NUGGC: variants seen among roughly 807,000 people sequenced by gnomAD.
The protein encoded by NUGGC is nuclear GTPase SLIP-GC.
A neutral mutation model predicts 92.6 loss-of-function variants in NUGGC; 58 were observed. The ratio of observed to expected loss-of-function variants is 0.63; its 90% confidence interval spans 0.51 to 0.78. The LOEUF (loss-of-function observed/expected upper bound fraction) is 0.78, where lower values mean the gene tolerates loss of function less well. Among genes scored for constraint, NUGGC ranks in the 30% least tolerant of loss-of-function variants. The pLI, the probability that NUGGC is intolerant of heterozygous loss-of-function variation, is 0.00. For missense variants in NUGGC, 925 were observed against 964.6 expected, an observed-to-expected ratio of 0.96 and a Z score of 0.54; for synonymous variants, 376 against 366.4, an observed-to-expected ratio of 1.03 and a Z score of -0.30.
intron 17 of NUGGC, among the ~76,000 whole-genome samples, chr8:28,028,217 T>C (rs1437792639): frequency 2.0e-5 from 3 of 152,228 alleles, no homozygotes; most frequent in African/African-American, 7.2e-5. Flanking sequence ...CCAGTGTCTA[T>C]GTACACAATG....
At chr8:28,039,106 C>A (rs188210116) in intron 13 of NUGGC, among the ~76,000 whole-genome samples, 24 of 152,306 alleles carry the variant, frequency 1.6e-4, no homozygotes, top group Admixed American at 5.9e-4. Context: ...TCCCCAGTGA[C>A]CCCAGAATCA....
chr8:28,029,420 C>T lies in NUGGC; in HGVS notation c.2018-18G>A, dbSNP rs376995561. 4.3e-6 allele frequency: 7 copies of T among 1,610,656 alleles called. No individual in the cohort carries two copies. Among genetic ancestry groups the T allele is most frequent in the Non-Finnish European group, 5.1e-6 (6 of 1,178,464 alleles). On this transcript the variant is annotated intron_variant, in intron 16 of 18. Transcript: ENST00000413272. ...AGCTGCCTCTGGCAAAAATGATAGC[C>T]ACAGTCACACCAAGACAAGGACCTG...
chr8:28,080,281 C>G (rs1347862121), intron 1 of NUGGC, among the ~76,000 whole-genome samples: 2 of 152,124 alleles, frequency 1.3e-5, no homozygotes, highest in Non-Finnish European at 2.9e-5. Flanking sequence ...AGAAGTAAAA[C>G]AAGCCAGAGA....
intron 1 of NUGGC, among the ~76,000 whole-genome samples, chr8:28,078,291 A>C (rs2130290482): frequency 6.6e-6 from 1 of 152,368 alleles, no homozygotes; most frequent in South Asian, 2.1e-4. Flanking sequence ...TGATGACCAA[A>C]CAAAAACACT....
chr8:28,035,744 C>T (rs1051339871), intron 13 of NUGGC, among the ~76,000 whole-genome samples: 1 of 152,200 alleles, frequency 6.6e-6, no homozygotes, highest in African/African-American at 2.4e-5. Flanking sequence ...GAGGTGAGGA[C>T]CCTTGGGGCC....
chr8:28,052,349 C>T (rs1040794046), intron 10 of NUGGC, among the ~76,000 whole-genome samples: 1 of 152,176 alleles, frequency 6.6e-6, no homozygotes, highest in Non-Finnish European at 1.5e-5. Flanking sequence ...CCAAAATTCA[C>T]ATGTTGAGGT....
At chr8:28,031,404 A>G in intron 14 of NUGGC, 23 bp from the exon 15 acceptor site, 3 of 1,610,488 alleles carry the variant, frequency 1.9e-6, no homozygotes, top group African/African-American at 2.7e-5. Flanking sequence ...GTGACAAAAA[A>G]GTTTAAGAGA....
At chr8:28,039,089 G>A (rs371517800) in intron 13 of NUGGC, among the ~76,000 whole-genome samples, 2 of 152,132 alleles carry the variant, frequency 1.3e-5, no homozygotes, top group African/African-American at 4.8e-5. Context: ...TCCACACACT[G>A]ACACTTTCCC....
At chr8:28,024,099 C>T (rs1198621822) in intron 18 of NUGGC, among the ~76,000 whole-genome samples, 1 of 152,050 alleles carries the variant, frequency 6.6e-6, no homozygotes, top group Non-Finnish European at 1.5e-5. Flanking sequence ...TCTTGACTCA[C>T]TGCAACCTCT....
Position 28,056,070 on chromosome 8 carries a change from A to T in NUGGC, c.1117-16T>A. 7.0e-7 allele frequency: 1 copy of T among 1,436,580 alleles called. No homozygotes were observed. The highest frequency in any genetic ancestry group is 9.6e-7 in the Non-Finnish European group (1 of 1,042,218). The allele number at this position is 1,436,580 out of a possible 1,614,324, so 89.0% of individuals were successfully genotyped here. A position where few individuals can be genotyped will look rare whatever the true frequency, so the allele number is the denominator to read the frequency against. On this transcript the variant is annotated splice_polypyrimidine_tract_variant and intron_variant, in intron 9 of 18. Coordinates refer to ENST00000413272, the MANE Select transcript of NUGGC (RefSeq NM_001010906.2). Reference sequence around the variant, plus strand: ...GAATAGCTTGCTAGGTTGTGAAAGGAAATAGAAGCATGCAGAGAGTAGCGT... The same window carrying T: ...GAATAGCTTGCTAGGTTGTGAAAGGTAATAGAAGCATGCAGAGAGTAGCGT...
chr8:28,051,062 G>A (rs578185989), intron 10 of NUGGC, among the ~76,000 whole-genome samples: 3 of 152,112 alleles, frequency 2.0e-5, no homozygotes, highest in South Asian at 4.2e-4. Context: ...GGCCTCATAC[G>A]ATCCTCCCAC....
chr8:28,060,666 C>A (rs1810280931), intron 7 of NUGGC, 65 bp from the exon 8 acceptor site: 4 of 1,460,550 alleles, frequency 2.7e-6, no homozygotes, highest in Non-Finnish European at 3.7e-6. Context: ...AGGACCGGTT[C>A]CCTAATGTAT....
At chr8:28,047,950 G>T (rs1038966391) in intron 10 of NUGGC, among the ~76,000 whole-genome samples, 1 of 152,202 alleles carries the variant, frequency 6.6e-6, no homozygotes, top group African/African-American at 2.4e-5. Context: ...AGAAACACAT[G>T]TCTGGAATAG....
At chr8:28,073,583 C>T (rs967489242) in intron 2 of NUGGC, among the ~76,000 whole-genome samples, 3 of 152,274 alleles carry the variant, frequency 2.0e-5, no homozygotes, top group Middle Eastern at 3.4e-3. Flanking sequence ...TCCCTGTCAT[C>T]GTCCTATAGG....
chr8:28,027,198 G>A (rs1209239503), intron 17 of NUGGC, 146 bp from the exon 18 acceptor site: 12 of 653,116 alleles, frequency 1.8e-5, no homozygotes, highest in African/African-American at 9.0e-5. Context: ...GTTGCAAAAC[G>A]GTGAAACATT....
intron 13 of NUGGC, among the ~76,000 whole-genome samples, chr8:28,037,300 G>T (rs565056344): frequency 6.6e-6 from 1 of 152,166 alleles, no homozygotes; most frequent in African/African-American, 2.4e-5. Context: ...GCAGCAAGCT[G>T]ACTGTCAGCC....
rs757092406 is a variant in NUGGC at position 28,033,590 on chromosome 8, G to A, written c.1719C>T (p.Leu573=). Reference sequence around the variant, plus strand: ...CGATCTGGTCATAGACGGGCTGAGTGAGGGCTTCATTTAGATCAATTCTCG... The same window carrying A: ...CGATCTGGTCATAGACGGGCTGAGTAAGGGCTTCATTTAGATCAATTCTCG... ...TLARIDLNEA[L]TQPVYDQIDP... is the part of the protein sequence containing the mutation. Residue 573 remains leucine (L), a synonymous_variant, in exon 14 of 19, where the codon CTC becomes CTT. Transcript: ENST00000413272. 6.2e-6 allele frequency: 10 copies of A among 1,614,008 alleles called. No homozygotes were observed. Among genetic ancestry groups the A allele is most frequent in the Non-Finnish European group, 8.5e-6 (10 of 1,179,874 alleles).
At chr8:28,026,095 C>T (rs1181933372) in intron 18 of NUGGC, among the ~76,000 whole-genome samples, 1 of 152,116 alleles carries the variant, frequency 6.6e-6, no homozygotes, top group Non-Finnish European at 1.5e-5. Context: ...CATTTCATGC[C>T]ACTACCTATA....
chr8:28,059,687 A>G (rs919712209), intron 8 of NUGGC, among the ~76,000 whole-genome samples: 3 of 152,192 alleles, frequency 2.0e-5, no homozygotes, highest in Non-Finnish European at 2.9e-5. Context: ...AAATTTAATG[A>G]TTTTTAAAAA....
Sources: allele counts gnomAD v4.1 joint callset (sites outside exome capture counted in the v4.1 genomes callset), GRCh38; gene constraint gnomAD v4.1.1; transcripts MANE v1.5; gene names NCBI Gene and HGNC (gene_info 2026-07-23, HGNC 2026-07-21).